Variants in EXT1 observed in about 807,000 individuals in gnomAD.
EXT1 encodes the protein exostosin-1.
EXT1 carries 20 observed loss-of-function variants against 82.5 expected under a neutral mutation model. The observed-to-expected ratio is 0.24, with a 90% CI of 0.17 to 0.35. The LOEUF (loss-of-function observed/expected upper bound fraction) is 0.35, where lower values mean the gene tolerates loss of function less well. Among genes scored for constraint, EXT1 ranks in the 10% least tolerant of loss-of-function variants. The pLI is 1.00. For missense variants in EXT1, 757 were observed against 936.5 expected, an observed-to-expected ratio of 0.81 and a Z score of 2.50; for synonymous variants, 348 against 350.8, an observed-to-expected ratio of 0.99 and a Z score of 0.09.
intron 1 of EXT1, among the ~76,000 whole-genome samples, chr8:117,868,029 C>T (rs896376521): frequency 4.6e-5 from 7 of 152,208 alleles, no homozygotes; most frequent in African/African-American, 1.7e-4. Context: ...TTCCCTTGTT[C>T]CAGACACAAA....
intron 1 of EXT1, among the ~76,000 whole-genome samples, chr8:118,029,892 T>C (rs1816276454): frequency 6.6e-6 from 1 of 152,224 alleles, no homozygotes; most frequent in African/African-American, 2.4e-5. Flanking sequence ...AAGTATTTGC[T>C]TTCCTCAAGG....
chr8:117,808,573 G>A (rs573649410), intron 8 of EXT1, among the ~76,000 whole-genome samples: 2 of 152,206 alleles, frequency 1.3e-5, no homozygotes, highest in East Asian at 1.9e-4. Flanking sequence ...TATCTTTGCC[G>A]TATCTCTTCT....
intron 1 of EXT1, among the ~76,000 whole-genome samples, chr8:118,045,850 C>T (rs1409373977): frequency 6.6e-6 from 1 of 151,726 alleles, no homozygotes; most frequent in African/African-American, 2.4e-5. Context: ...GGCTGGAGTG[C>T]AGTGGCATGA....
rs757499157 is a variant in EXT1 at position 117,799,805 on chromosome 8, C to T, written c.2148G>A (p.Pro716=). 3.8e-5 allele frequency: 61 copies of T among 1,614,034 alleles called. No homozygotes were observed. In the Middle Eastern group the frequency reaches 6.6e-4, roughly 17 times the overall value. The change falls in exon 11 of 11, where the codon CCG becomes CCA. Residue 716 remains proline (P), a synonymous_variant. Coordinates refer to ENST00000378204, the MANE Select transcript of EXT1 (RefSeq NM_000127.3). ...CGAGCCTCATCTGAGAGTGGATCAG[C>T]GGCATGTAGCCAAACCAGCTGGCAA... is the stretch of plus-strand genomic sequence containing the variant. ...NTFASWFGYM[P]LIHSQMRLDP...
intron 1 of EXT1, among the ~76,000 whole-genome samples, chr8:117,998,563 C>T (rs1815594680): frequency 6.6e-6 from 1 of 152,178 alleles, no homozygotes; most frequent in African/African-American, 2.4e-5. Context: ...GCTGGGATTA[C>T]AGGCATGAAC....
rs1176879011 is a variant in EXT1, at chr8:117,796,132, G to A, written c.*3580C>T. ...TTATATTCACAAGTAAGAGGCAGGA[G>A]CATTTTTATTTGAGAGTTCATGGCA... On this transcript the variant is annotated 3_prime_UTR_variant, in exon 11 of 11. Transcript: ENST00000378204. 6.6e-6 allele frequency: 1 copy of A among 152,132 alleles called. No homozygotes were observed. The highest frequency in any genetic ancestry group is 2.4e-5 in the African/African-American group (1 of 41,422). 9.4% of individuals were successfully genotyped at this position (152,132 alleles called of 1,614,324 possible).
chr8:118,049,210 A>T (rs1261517246), intron 1 of EXT1, among the ~76,000 whole-genome samples: 2 of 152,242 alleles, frequency 1.3e-5, no homozygotes, highest in African/African-American at 4.8e-5. Context: ...AAAAAGGCAA[A>T]TGGGCATATC....
At chr8:118,019,565 C>G (rs1816064665) in intron 1 of EXT1, among the ~76,000 whole-genome samples, 1 of 152,188 alleles carries the variant, frequency 6.6e-6, no homozygotes, top group Non-Finnish European at 1.5e-5. Flanking sequence ...TGTGACTATT[C>G]ATCGTACATC....
chr8:117,830,370 A>G, intron 3 of EXT1, 21 bp from the exon 4 acceptor site: 8 of 1,613,042 alleles, frequency 5.0e-6, no homozygotes, highest in African/African-American at 1.3e-5. Flanking sequence ...AGGTGAACAC[A>G]TAGGAATTAT....
intron 1 of EXT1, among the ~76,000 whole-genome samples, chr8:117,940,632 T>C (rs868597890): frequency 2.0e-5 from 3 of 152,218 alleles, no homozygotes; most frequent in South Asian, 2.1e-4. Context: ...CAATCCACAG[T>C]GATACAAGGT....
chr8:118,089,652 G>A (rs1817487474), intron 1 of EXT1, among the ~76,000 whole-genome samples: 1 of 152,154 alleles, frequency 6.6e-6, no homozygotes, highest in African/African-American at 2.4e-5. Context: ...TAAAAAATAT[G>A]TCCTTTTTTA....
intron 1 of EXT1, among the ~76,000 whole-genome samples, chr8:117,937,817 G>C (rs1010421614): frequency 1.3e-5 from 2 of 152,124 alleles, no homozygotes; most frequent in African/African-American, 4.8e-5. Flanking sequence ...TACACACATT[G>C]CAGCCCATGG....
intron 6 of EXT1, 25 bp downstream of exon 6, chr8:117,819,651 G>A (rs760627205): frequency 1.3e-6 from 2 of 1,594,000 alleles, no homozygotes; most frequent in South Asian, 2.2e-5. Context: ...GCAGGCAGGG[G>A]CTTCTCTGTC....
chr8:117,920,031 T>C (rs987134242), intron 1 of EXT1, among the ~76,000 whole-genome samples: 6 of 152,130 alleles, frequency 3.9e-5, no homozygotes, highest in African/African-American at 1.4e-4. Flanking sequence ...GTGGAGCTGA[T>C]GAGAAGGAAC....
intron 1 of EXT1, among the ~76,000 whole-genome samples, chr8:118,091,514 G>A (rs1229882201): frequency 2.6e-5 from 4 of 152,086 alleles, no homozygotes; most frequent in Non-Finnish European, 5.9e-5. Context: ...CGAGGCGGGC[G>A]GATCACGAGG....
At chr8:117,911,097 C>G (rs886955834) in intron 1 of EXT1, among the ~76,000 whole-genome samples, 10 of 152,228 alleles carry the variant, frequency 6.6e-5, no homozygotes, top group African/African-American at 2.4e-4. Context: ...GCATCCTCAG[C>G]TGTAAATGGA....
chr8:117,944,934 G>C lies in EXT1; in HGVS notation c.963-107733C>G, dbSNP rs563429908. The stretch of plus-strand genomic sequence containing the variant: ...TCCCAGCACTTTGGGAGGCGGAGGC[G>C]GGCGGATCACGAGGTCAGGAGATCG... On this transcript the variant is annotated intron_variant, in intron 1 of 10. Transcript: ENST00000378204. Among the ~76,000 whole-genome samples the C allele has an allele frequency of 2.0e-5, 3 of 152,108 alleles. No individual in the cohort carries two copies. The South Asian group carries it at 6.2e-4, about 32-fold the overall frequency.
At chr8:117,936,460 T>C (rs140889671) in intron 1 of EXT1, among the ~76,000 whole-genome samples, 254 of 152,292 alleles carry the variant, frequency 1.7e-3, no homozygotes, top group African/African-American at 5.6e-3. Context: ...CAGAGAGAAG[T>C]CAACCTAGAA....
chr8:117,825,149 G>T (rs535398057), intron 4 of EXT1, among the ~76,000 whole-genome samples: 1 of 152,298 alleles, frequency 6.6e-6, no homozygotes, highest in African/African-American at 2.4e-5. Context: ...TGGGACTACA[G>T]GTGTGAGCCA....
Sources: allele counts gnomAD v4.1 joint callset (sites outside exome capture counted in the v4.1 genomes callset), GRCh38; gene constraint gnomAD v4.1.1; transcripts MANE v1.5; gene names NCBI Gene and HGNC (gene_info 2026-07-23, HGNC 2026-07-21).